Variants in P2RX4 observed in about 807,000 individuals in gnomAD.
P2RX4 encodes purinergic receptor P2X 4, also known as P2X purinoceptor 4.
Under a neutral mutation model 48.0 loss-of-function variants are expected in P2RX4, and 37 were observed. The ratio of observed to expected loss-of-function variants is 0.77; its 90% CI spans 0.59 to 1.01. The LOEUF (loss-of-function observed/expected upper bound fraction) is 1.01. Among genes scored for constraint, P2RX4 ranks in the 50% least tolerant of loss-of-function variants. P2RX4 has a pLI of 0.00. For missense variants in P2RX4, 501 were observed against 521.4 expected, an observed-to-expected ratio of 0.96 and a Z score of 0.38; for synonymous variants, 200 against 199.7, an observed-to-expected ratio of 1.00 and a Z score of -0.01.
intron 2 of P2RX4, among the ~76,000 whole-genome samples, chr12:121,221,419 CAG>C (rs1886601030): frequency 1.4e-5 from 2 of 139,048 alleles, no homozygotes; most frequent in African/African-American, 5.4e-5. Context: ...TTTTTTGAGA[CAG>C]AGTCTCGTGT....
chr12:121,227,171 C>T (rs1157239925), intron 5 of P2RX4, among the ~76,000 whole-genome samples: 2 of 151,682 alleles, frequency 1.3e-5, no homozygotes, highest in Middle Eastern at 3.2e-3. Context: ...GCAGTGGTGA[C>T]AGGCTCAGCT....
At chr12:121,225,326 A>C (rs1015461401) in intron 5 of P2RX4, among the ~76,000 whole-genome samples, 1 of 152,016 alleles carries the variant, frequency 6.6e-6, no homozygotes, top group African/African-American at 2.4e-5. Context: ...CACCTGCCTC[A>C]GCCTCCCAAA....
At position 121,210,182 on chromosome 12, in the gene P2RX4, C is replaced by T. The variant is rs1885712381; in HGVS notation, c.18C>T (p.Ala6=). The T allele has an allele frequency of 1.3e-6, 2 of 1,527,514 alleles. No homozygotes were observed. Among genetic ancestry groups the T allele is most frequent in the Non-Finnish European group, 1.7e-6 (2 of 1,144,802 alleles). 94.6% of individuals were successfully genotyped at this position (1,527,514 alleles called of 1,614,324 possible). A position where few individuals can be genotyped will look rare whatever the true frequency, so the allele number is the denominator to read the frequency against. The change falls in exon 1 of 12, where the codon GCC becomes GCT. Residue 6 remains alanine (A), a synonymous_variant. Coordinates refer to ENST00000337233, the MANE Select transcript of P2RX4 (RefSeq NM_002560.3). ...GCGCGGCCATGGCGGGCTGCTGCGC[C>T]GCGCTGGCGGCCTTCCTGTTCGAGT... The part of the protein sequence containing the change: MAGCC[A]ALAAFLFEYD...
In P2RX4 at chr12:121,212,809, TA is replaced by T. The variant is rs1565997443; in HGVS notation, c.134+2512del. On this transcript the variant is annotated intron_variant, in intron 1 of 11. Transcript: ENST00000337233. ...CATCTCAAATATATATATATATATATATATATATATATATATTTTTTTTTTT... is the reference window on the plus strand; with the variant it reads ...CATCTCAAATATATATATATATATATTATATATATATATATTTTTTTTTTT... 31 of 36,070 alleles carry T rather than the reference TA, an allele frequency of 8.6e-4. 1 individual carries two copies. The highest frequency in any genetic ancestry group is 2.7e-3 in the African/African-American group (23 of 8,552). The allele number at this position is 36,070 out of a possible 1,614,324, so 2.2% of individuals were successfully genotyped here.
At chr12:121,219,820 A>G (rs1886480600) in intron 2 of P2RX4, among the ~76,000 whole-genome samples, 1 of 136,286 alleles carries the variant, frequency 7.3e-6, no homozygotes, top group Non-Finnish European at 1.6e-5. Flanking sequence ...TGATAGATAT[A>G]GGATAGATTA....
rs555969827 is a variant in P2RX4 at position 121,229,053 on chromosome 12, G to A, written c.838G>A (p.Asp280Asn). The change falls in exon 8 of 12, where the codon GAT (aspartate) becomes AAT (asparagine). Residue 280 changes from aspartate (D) to asparagine (N), a missense_variant. By Grantham distance (23) the Asp-to-Asn change is conservative. Coordinates refer to ENST00000337233, the MANE Select transcript of P2RX4 (RefSeq NM_002560.3). This position sits in a 1 kb window ranked among gnomAD's most constrained non-coding sequence, Gnocchi z 4.6. Reference sequence around the variant, plus strand: ...GCCCAGGTACTCCTTCCGCCGCCTCGATACACGGGACGTTGAGCACAACGT... The same window carrying A: ...GCCCAGGTACTCCTTCCGCCGCCTCAATACACGGGACGTTGAGCACAACGT... ...CLPRYSFRRL[D>N]TRDVEHNVSP... 4.3e-6 allele frequency: 7 copies of A among 1,614,086 alleles called. No individual in the cohort carries two copies. Among genetic ancestry groups the A allele is most frequent in the African/African-American group, 2.7e-5 (2 of 75,018 alleles).
chr12:121,224,295 T>C (rs143671307), intron 5 of P2RX4, among the ~76,000 whole-genome samples: 184 of 152,212 alleles, frequency 1.2e-3, no homozygotes, highest in African/African-American at 4.0e-3. Flanking sequence ...TTTGCTACAG[T>C]GTATTTTAAA....
chr12:121,223,347 A>G (rs1166282411), intron 5 of P2RX4: 2 of 375,378 alleles, frequency 5.3e-6, no homozygotes, highest in African/African-American at 4.2e-5. Context: ...AAGTGCTAGG[A>G]TTACAGGCGG....
rs1446934250 is a variant in P2RX4 at position 121,232,382 on chromosome 12, A to G, written c.885-32A>G. 3 of 1,488,642 alleles carry G rather than the reference A, an allele frequency of 2.0e-6. No homozygotes were observed. Among genetic ancestry groups the G allele is most frequent in the Non-Finnish European group, 2.8e-6 (3 of 1,069,350 alleles). 92.2% of individuals were successfully genotyped at this position (1,488,642 alleles called of 1,614,324 possible). A position where few individuals can be genotyped will look rare whatever the true frequency, so the allele number is the denominator to read the frequency against. On this transcript the variant is annotated intron_variant, in intron 8 of 11. Coordinates refer to ENST00000337233, the MANE Select transcript of P2RX4 (RefSeq NM_002560.3). The surrounding 1 kb of genome is among the most constrained non-coding windows in gnomAD (Gnocchi z 4.3). ...CAGGGCCCAAGGTCCTGCCCCAGCCATCTCCCCCTGATCCATCCTCCTTCC... is the reference window on the plus strand; with the variant it reads ...CAGGGCCCAAGGTCCTGCCCCAGCCGTCTCCCCCTGATCCATCCTCCTTCC...
Position 121,232,004 on chromosome 12 carries a change from C to CAAAA in P2RX4, c.885-394_885-391dup, listed in dbSNP as rs34995184. ...CTGGCAACAGAGGGAGACTCCATCTCAAAAAAAAAAAAAAAAAAAGTCCCT... is the reference window on the plus strand; with the variant it reads ...CTGGCAACAGAGGGAGACTCCATCTCAAAAAAAAAAAAAAAAAAAAAAAGTCCCT... On this transcript the variant is annotated intron_variant, in intron 8 of 11. Coordinates refer to ENST00000337233, the MANE Select transcript of P2RX4 (RefSeq NM_002560.3). The surrounding 1 kb of genome is among the most constrained non-coding windows in gnomAD (Gnocchi z 4.3). 1.6e-3 allele frequency among the ~76,000 whole-genome samples: 149 copies of CAAAA among 94,374 alleles called. 5 individuals are homozygous for CAAAA. In the South Asian group the frequency reaches 0.017, roughly 11 times the overall value. The allele number at this position is 94,374 out of a possible 152,430, so 61.9% of individuals were successfully genotyped here.
In P2RX4 at chr12:121,228,767, G is replaced by C. The variant is rs372212344; in HGVS notation, c.648G>C (p.Ser216=). Residue 216 remains serine (S), a synonymous_variant, in exon 7 of 12, where the codon TCG becomes TCC. Coordinates refer to ENST00000337233, the MANE Select transcript of P2RX4 (RefSeq NM_002560.3). ...LPNITTTYLK[S]CIYDAKTDPF... is the part of the protein sequence containing the mutation. ...ACATCACCACTACTTACCTCAAGTC[G>C]TGCATTTATGATGCTAAAACAGATC... The C allele has an allele frequency of 6.2e-7, 1 of 1,614,028 alleles. No individual in the cohort carries two copies. Among genetic ancestry groups the C allele is most frequent in the Non-Finnish European group, 8.5e-7 (1 of 1,180,028 alleles).
chr12:121,226,979 G>C (rs1049714887), intron 5 of P2RX4, among the ~76,000 whole-genome samples: 2 of 152,092 alleles, frequency 1.3e-5, no homozygotes, highest in African/African-American at 4.8e-5. Context: ...GCCAGGCGTG[G>C]TGGTGCACGC....
At position 121,232,061 on chromosome 12, in the gene P2RX4, C is replaced by T. The variant is rs941681333; in HGVS notation, c.885-353C>T. On this transcript the variant is annotated intron_variant, in intron 8 of 11. Coordinates refer to ENST00000337233, the MANE Select transcript of P2RX4 (RefSeq NM_002560.3). The surrounding 1 kb of genome is among the most constrained non-coding windows in gnomAD (Gnocchi z 4.3). ...ATGCTGTGTTGGGGCTGGCTTAGTC[C>T]CCTCCTGCAATGCTGGCTGGTCACA... Among the ~76,000 whole-genome samples, 14 of 151,360 alleles carry T rather than the reference C, an allele frequency of 9.2e-5. No homozygotes were observed. The highest frequency in any genetic ancestry group is 1.3e-4 in the Non-Finnish European group (9 of 67,950).
chr12:121,210,876 T>C (rs1169210486), intron 1 of P2RX4, among the ~76,000 whole-genome samples: 1 of 152,214 alleles, frequency 6.6e-6, no homozygotes, highest in Non-Finnish European at 1.5e-5. Flanking sequence ...GCCCTGAACG[T>C]CTCAATCTTC....
At chr12:121,225,120 T>C (rs1421560982) in intron 5 of P2RX4, among the ~76,000 whole-genome samples, 3 of 149,892 alleles carry the variant, frequency 2.0e-5, no homozygotes, top group Non-Finnish European at 4.4e-5. Flanking sequence ...TCGCCCAGGC[T>C]GGAGTACAGT....
chr12:121,212,824 A>ATATATATATTT (rs370835501), intron 1 of P2RX4: 3 of 32,248 alleles, frequency 9.3e-5, no homozygotes, highest in Non-Finnish European at 1.4e-4. Flanking sequence ...ATATATATAT[A>ATATATATATTT]TTTTTTTTTT....
rs1219254386 is a variant in P2RX4, at chr12:121,232,234, G to A, written c.885-180G>A. 5 of 608,018 alleles carry A rather than the reference G, an allele frequency of 8.2e-6. No homozygotes were observed. The East Asian group carries it at 8.2e-5, about 10-fold the overall frequency. The allele number at this position is 608,018 out of a possible 1,614,324, so 37.7% of individuals were successfully genotyped here. On this transcript the variant is annotated intron_variant, in intron 8 of 11. Transcript: ENST00000337233. The surrounding 1 kb of genome is among the most constrained non-coding windows in gnomAD (Gnocchi z 4.3). The stretch of plus-strand genomic sequence containing the variant: ...CTCCCTGTGCCCCTGTACCTCGTGG[G>A]CCCCGCATCCTCCTGCTTGCACAGC...
intron 1 of P2RX4, chr12:121,214,785 C>A (rs1043222357): frequency 2.6e-5 from 4 of 152,150 alleles, no homozygotes; most frequent in African/African-American, 4.8e-5. Context: ...CCATTAATTT[C>A]TTTTCTTTTT....
intron 2 of P2RX4, among the ~76,000 whole-genome samples, chr12:121,217,778 GA>G (rs1228580886): frequency 1.6e-5 from 2 of 126,136 alleles, no homozygotes; most frequent in African/African-American, 2.9e-5. Context: ...AAAAAAAAAA[GA>G]AAAAAAAAGA....
Sources: allele counts gnomAD v4.1 joint callset (sites outside exome capture counted in the v4.1 genomes callset), GRCh38; gene constraint gnomAD v4.1.1; non-coding constraint Gnocchi (gnomAD v3.1); transcripts MANE v1.5; gene names NCBI Gene and HGNC (gene_info 2026-07-23, HGNC 2026-07-21).